The following FAR1 variants were observed in gnomAD, a reference collection of about 807,000 sequenced individuals.
FAR1 encodes fatty acyl-CoA reductase 1.
A neutral mutation model predicts 61.1 loss-of-function variants in FAR1; 22 were observed. The observed-to-expected ratio is 0.36, with a 90% CI of 0.26 to 0.51. The LOEUF is 0.51. Ranked by LOEUF, FAR1 falls within the 20% of genes least tolerant of loss-of-function variation. The probability of loss-of-function intolerance (pLI) is 0.95; values close to 1 mark genes in which losing one functional copy is unlikely to be tolerated. For synonymous variants in FAR1, 206 were observed against 209.7 expected (o/e 0.98, Z 0.15); for missense variants, 359 against 626.9 (o/e 0.57, Z 4.56).
At chr11:13,668,938 C>T (rs371918049) in intron 1 of FAR1, 132 bp downstream of exon 1, 1 of 152,328 alleles carries the variant, frequency 6.6e-6, no homozygotes, top group Non-Finnish European at 1.5e-5. Context: ...CCCGCCCCCG[C>T]CCCCGCCCGG....
intron 1 of FAR1, among the ~76,000 whole-genome samples, chr11:13,685,883 G>T (rs1163866102): frequency 6.6e-6 from 1 of 152,152 alleles, no homozygotes; most frequent in African/African-American, 2.4e-5. Context: ...TAAAAGCTGA[G>T]GCCTTGTAGT....
At chr11:13,693,232 A>G (rs537529363) in intron 1 of FAR1, among the ~76,000 whole-genome samples, 1 of 152,372 alleles carries the variant, frequency 6.6e-6, no homozygotes, top group East Asian at 1.9e-4. Flanking sequence ...GTTTTAAGAA[A>G]GTTTATGAAT....
At chr11:13,707,827 G>T in intron 3 of FAR1, 73 bp from the exon 4 acceptor site, 1 of 1,150,688 alleles carries the variant, frequency 8.7e-7, no homozygotes. Flanking sequence ...CTTCTCTAAT[G>T]AAAATGATAT....
intron 4 of FAR1, among the ~76,000 whole-genome samples, chr11:13,708,470 CACACACATACAT>C (rs766606910): frequency 1.6e-3 from 237 of 147,384 alleles, no homozygotes; most frequent in African/African-American, 4.0e-3. Context: ...CACACACACA[CACACACATACAT>C]TTATCTCTTT....
chr11:13,697,240 A>G (rs1183173501), intron 2 of FAR1, among the ~76,000 whole-genome samples: 1 of 152,066 alleles, frequency 6.6e-6, no homozygotes, highest in Non-Finnish European at 1.5e-5. Flanking sequence ...CTGGTGGGTC[A>G]CTTGAGGCCA....
At chr11:13,695,560 TAATA>T (rs1175224014) in intron 2 of FAR1, among the ~76,000 whole-genome samples, 3 of 152,212 alleles carry the variant, frequency 2.0e-5, no homozygotes, top group Non-Finnish European at 2.9e-5. Context: ...TGACATTTAC[TAATA>T]AATAGTAAGT....
intron 3 of FAR1, among the ~76,000 whole-genome samples, chr11:13,702,092 T>A (rs1377120433): frequency 6.6e-6 from 1 of 152,194 alleles, no homozygotes; most frequent in Non-Finnish European, 1.5e-5. Flanking sequence ...TTGCTTTATT[T>A]ATTTTTTAGC....
At chr11:13,724,259 CAGT>C (rs1170252188) in intron 10 of FAR1, among the ~76,000 whole-genome samples, 1 of 149,396 alleles carries the variant, frequency 6.7e-6, no homozygotes. Context: ...CTTAAATAGA[CAGT>C]AGGGGCCGGG....
intron 3 of FAR1, 77 bp from the exon 4 acceptor site, chr11:13,707,823 T>C (rs1848450448): frequency 9.1e-7 from 1 of 1,101,768 alleles, no homozygotes; most frequent in Non-Finnish European, 1.2e-6. Flanking sequence ...TCTACTTCTC[T>C]AATGAAAATG....
chr11:13,673,549 C>T (rs951629089), intron 1 of FAR1, among the ~76,000 whole-genome samples: 1 of 152,174 alleles, frequency 6.6e-6, no homozygotes, highest in African/African-American at 2.4e-5. Context: ...CTGATTTATA[C>T]CTTCAACTGA....
chr11:13,691,625 T>A (rs1424005540), intron 1 of FAR1, among the ~76,000 whole-genome samples: 1 of 152,240 alleles, frequency 6.6e-6, no homozygotes. Flanking sequence ...AATCATATAG[T>A]ATGTGACCTT....
In FAR1 at chr11:13,727,692, G is replaced by T. The variant is rs1329410252; in HGVS notation, c.1385+9G>T. On this transcript the variant is annotated intron_variant, in intron 11 of 11. Transcript: ENST00000354817. ...AGAAAACATCTGAACAAGTGAGTTTGATGCATGGATTTGATTGCTTCTTGT... is the reference window on the plus strand; with the variant it reads ...AGAAAACATCTGAACAAGTGAGTTTTATGCATGGATTTGATTGCTTCTTGT... 5.0e-6 allele frequency: 8 copies of T among 1,591,594 alleles called. No individual in the cohort carries two copies. The highest frequency in any genetic ancestry group is 2.3e-5 in the South Asian group (2 of 86,686).
intron 1 of FAR1, among the ~76,000 whole-genome samples, 186 bp downstream of exon 1, chr11:13,668,992 C>T (rs190643303): frequency 0.012 from 1,877 of 152,256 alleles, 38 homozygotes; most frequent in African/African-American, 0.042. Flanking sequence ...CGGGTGGTCT[C>T]TGCCCCTCTT....
At chr11:13,671,557 A>G (rs1848004606) in intron 1 of FAR1, among the ~76,000 whole-genome samples, 1 of 152,214 alleles carries the variant, frequency 6.6e-6, no homozygotes, top group Admixed American at 6.5e-5. Flanking sequence ...AGTCAACCAT[A>G]TATCATAAGT....
At chr11:13,709,006 A>G (rs992719798) in intron 4 of FAR1, among the ~76,000 whole-genome samples, 1 of 152,322 alleles carries the variant, frequency 6.6e-6, no homozygotes, top group African/African-American at 2.4e-5. Context: ...AGACAAGAAA[A>G]AGAGAGATCT....
In FAR1 at chr11:13,721,702, G is replaced by C; in HGVS notation, c.1128-28G>C. 1 of 1,602,136 alleles carries C rather than the reference G, an allele frequency of 6.2e-7. No homozygotes were observed. The highest frequency in any genetic ancestry group is 8.5e-7 in the Non-Finnish European group (1 of 1,174,578). On this transcript the variant is annotated intron_variant, in intron 9 of 11. Coordinates refer to ENST00000354817, the MANE Select transcript of FAR1 (RefSeq NM_032228.6). The surrounding 1 kb of genome is among the most constrained non-coding windows in gnomAD (Gnocchi z 4.2). Reference sequence around the variant, plus strand: ...ATTTTTCCTAATCTATACAAAATATGAATCTGTCCATTTTTCTTACAATAC... The same window carrying C: ...ATTTTTCCTAATCTATACAAAATATCAATCTGTCCATTTTTCTTACAATAC...
chr11:13,708,434 T>TGCGTGC (rs372835235), intron 4 of FAR1, among the ~76,000 whole-genome samples: 26 of 134,422 alleles, frequency 1.9e-4, no homozygotes, highest in African/African-American at 7.0e-4. Context: ...CATATACATG[T>TGCGTGC]GCGCGCGCGC....
chr11:13,712,154 A>G, intron 7 of FAR1, 108 bp downstream of exon 7: 2 of 790,272 alleles, frequency 2.5e-6, no homozygotes, highest in South Asian at 1.6e-5. Context: ...TGCCATACCA[A>G]TATTTAGGCT....
chr11:13,728,187 G>T lies in FAR1; in HGVS notation c.1386-425G>T, dbSNP rs1848685803. 2.0e-5 allele frequency among the ~76,000 whole-genome samples: 3 copies of T among 151,748 alleles called. No homozygotes were observed. The South Asian group carries it at 6.2e-4, about 31-fold the overall frequency. ...TTTTTTGAAACATGAGCTGAAACATGAGAGTAACATATTGTTACTCTTTGA... is the reference window on the plus strand; with the variant it reads ...TTTTTTGAAACATGAGCTGAAACATTAGAGTAACATATTGTTACTCTTTGA... On this transcript the variant is annotated intron_variant, in intron 11 of 11. Coordinates refer to ENST00000354817, the MANE Select transcript of FAR1 (RefSeq NM_032228.6).
Sources: gnomAD v4.1 joint callset for allele counts (sites outside exome capture counted in the v4.1 genomes callset) on GRCh38, gnomAD v4.1.1 for gene constraint, Gnocchi (gnomAD v3.1) non-coding constraint, MANE v1.5 for transcripts, NCBI Gene and HGNC (gene_info 2026-07-23, HGNC 2026-07-21) for gene names.